NTM: variants seen among roughly 807,000 people sequenced by gnomAD.
NTM encodes IgLON family member 2.
Under a neutral mutation model 42.1 loss-of-function variants are expected in NTM, and 13 were observed. The observed-to-expected ratio is 0.31, with a 90% CI of 0.20 to 0.49. The LOEUF is 0.49. Ranked by LOEUF, NTM falls within the 20% of genes least tolerant of loss-of-function variation. The pLI is 0.99. For missense variants in NTM, 373 were observed against 452.8 expected (o/e 0.82, Z 1.60); for synonymous variants, 187 against 179.2 (o/e 1.04, Z -0.35).
intron 2 of NTM, among the ~76,000 whole-genome samples, chr11:132,041,210 TGA>T (rs1198458029): frequency 2.0e-4 from 23 of 114,424 alleles, no homozygotes; most frequent in Admixed American, 7.7e-4. Context: ...TGTGTGTGTG[TGA>T]GAGAGAGAGA....
chr11:132,213,578 A>G (rs2083271044), intron 4 of NTM, among the ~76,000 whole-genome samples: 1 of 152,112 alleles, frequency 6.6e-6, no homozygotes, highest in African/African-American at 2.4e-5. Flanking sequence ...CTATACTTCA[A>G]CATTTTAATA....
intron 2 of NTM, among the ~76,000 whole-genome samples, chr11:131,965,671 T>C (rs573385923): frequency 5.9e-5 from 9 of 152,286 alleles, no homozygotes; most frequent in Non-Finnish European, 1.2e-4. Context: ...TGGAGGAGGC[T>C]TGTGACTCTG....
At chr11:131,549,592 G>C (rs2054383804) in intron 1 of NTM, among the ~76,000 whole-genome samples, 1 of 152,080 alleles carries the variant, frequency 6.6e-6, no homozygotes, top group Non-Finnish European at 1.5e-5. Flanking sequence ...AAAACGCCCT[G>C]TGCTCCAAGG....
intron 4 of NTM, among the ~76,000 whole-genome samples, chr11:132,266,665 G>A (rs1183051807): frequency 6.6e-6 from 1 of 152,316 alleles, no homozygotes; most frequent in African/African-American, 2.4e-5. Context: ...ACATGGTGGT[G>A]AGAAAGAGAA....
At chr11:131,948,845 T>C (rs2060667141) in intron 2 of NTM, among the ~76,000 whole-genome samples, 1 of 152,236 alleles carries the variant, frequency 6.6e-6, no homozygotes, top group Admixed American at 6.5e-5. Flanking sequence ...TCAGATTACC[T>C]AACATGAGAT....
chr11:131,940,043 A>C (rs2059630193), intron 2 of NTM, among the ~76,000 whole-genome samples: 2 of 152,236 alleles, frequency 1.3e-5, no homozygotes, highest in African/African-American at 4.8e-5. Flanking sequence ...ACCCAGAAGG[A>C]AAAGAAACCT....
At chr11:132,155,796 C>T (rs1378302145) in intron 3 of NTM, among the ~76,000 whole-genome samples, 2 of 152,148 alleles carry the variant, frequency 1.3e-5, no homozygotes, top group African/African-American at 2.4e-5. Context: ...CACACATAAA[C>T]CATCATGTGT....
intron 1 of NTM, among the ~76,000 whole-genome samples, chr11:131,667,589 T>C (rs2134578156): frequency 6.6e-6 from 1 of 152,314 alleles, no homozygotes; most frequent in East Asian, 1.9e-4. Context: ...ACCATGTGAG[T>C]ACTAATCCTG....
chr11:131,735,835 GGTGTGTGTGT>G (rs398018112), intron 1 of NTM, among the ~76,000 whole-genome samples: 194 of 121,376 alleles, frequency 1.6e-3, no homozygotes, highest in Non-Finnish European at 2.5e-3. Context: ...CCATTCATAA[GGTGTGTGTGT>G]GTGTGTGTGT....
chr11:131,711,010 T>A (rs1194652275), intron 1 of NTM, among the ~76,000 whole-genome samples: 1 of 152,142 alleles, frequency 6.6e-6, no homozygotes, highest in Non-Finnish European at 1.5e-5. Flanking sequence ...TCTCTCTCCT[T>A]ATTCTCTCAA....
In NTM at chr11:131,562,947, T is replaced by G. The variant is rs551844998; in HGVS notation, c.82+192059T>G. Among the ~76,000 whole-genome samples, 38 of 152,306 alleles carry G rather than the reference T, an allele frequency of 2.5e-4. No individual in the cohort carries two copies. The South Asian group carries it at 6.4e-3, about 26-fold the overall frequency. On this transcript the variant is annotated intron_variant, in intron 1 of 8. Coordinates refer to ENST00000683400, the MANE Select transcript of NTM (RefSeq NM_001352005.2). Reference sequence around the variant, plus strand: ...TGCATATGCATGAGGTCTGCAGACCTGGGCCCTCCATGGCCCCAGGGGGAG... The same window carrying G: ...TGCATATGCATGAGGTCTGCAGACCGGGGCCCTCCATGGCCCCAGGGGGAG...
intron 3 of NTM, among the ~76,000 whole-genome samples, chr11:132,154,527 C>T (rs941713037): frequency 8.5e-5 from 13 of 152,288 alleles, no homozygotes; most frequent in African/African-American, 3.1e-4. Context: ...TAGTAAGGTG[C>T]ATCTCTTTGT....
Position 131,748,693 on chromosome 11 carries a change from CA to C in NTM, c.83-162870del, listed in dbSNP as rs956733349. On this transcript the variant is annotated intron_variant, in intron 1 of 8. Coordinates refer to ENST00000683400, the MANE Select transcript of NTM (RefSeq NM_001352005.2). ...TGACCTTCTGTTTTGAGAATGTTCC[CA>C]GGGGGGTGCAATTCTTTTAATTTAT... is the stretch of plus-strand genomic sequence containing the variant. Among the ~76,000 whole-genome samples, 41 of 152,280 alleles carry C rather than the reference CA, an allele frequency of 2.7e-4. 1 individual carries two copies. The highest frequency in any genetic ancestry group is 8.2e-4 in the African/African-American group (34 of 41,554).
chr11:131,453,793 T>A (rs1410198868), intron 1 of NTM, among the ~76,000 whole-genome samples: 1 of 147,692 alleles, frequency 6.8e-6, no homozygotes, highest in Non-Finnish European at 1.5e-5. Context: ...GGTATCTGCC[T>A]GGGGAGGACG....
rs143648136 is a variant in NTM, at chr11:131,733,685, G to A, written c.83-177879G>A. Among the ~76,000 whole-genome samples, 64 of 152,118 alleles carry A rather than the reference G, an allele frequency of 4.2e-4. No homozygotes were observed. In the East Asian group the frequency reaches 0.012, roughly 28 times the overall value. ...CAAGTGGCTGGGATTACAGGCACAC[G>A]CCACTATGCCTGGCTAATTTTTGTA... On this transcript the variant is annotated intron_variant, in intron 1 of 8. Transcript: ENST00000683400.
chr11:131,807,625 G>A (rs1246045762), intron 1 of NTM, among the ~76,000 whole-genome samples: 1 of 152,190 alleles, frequency 6.6e-6, no homozygotes, highest in Non-Finnish European at 1.5e-5. Context: ...CCGTCTCATA[G>A]AAAGATCTCA....
intron 2 of NTM, among the ~76,000 whole-genome samples, chr11:132,047,237 G>A (rs2078150666): frequency 6.6e-6 from 1 of 152,244 alleles, no homozygotes; most frequent in South Asian, 2.1e-4. Flanking sequence ...CTCCAGAAGG[G>A]AAGTTTATCC....
chr11:131,868,500 C>T (rs1341171242), intron 1 of NTM, among the ~76,000 whole-genome samples: 1 of 152,160 alleles, frequency 6.6e-6, no homozygotes, highest in African/African-American at 2.4e-5. Context: ...CTTCAGTGGG[C>T]CGCCACTGCC....
chr11:132,220,425 G>A (rs1358941400), intron 4 of NTM, among the ~76,000 whole-genome samples: 1 of 152,190 alleles, frequency 6.6e-6, no homozygotes, highest in East Asian at 1.9e-4. Flanking sequence ...AGGGGTTTTT[G>A]TAAATTTAAT....
Sources: gnomAD v4.1 joint callset for allele counts (sites outside exome capture counted in the v4.1 genomes callset) on GRCh38, gnomAD v4.1.1 for gene constraint, MANE v1.5 for transcripts, NCBI Gene and HGNC (gene_info 2026-07-23, HGNC 2026-07-21) for gene names.